Variants in GRID2IP observed in about 807,000 individuals in gnomAD.
GRID2IP encodes the protein delphilin.
GRID2IP carries 78 observed loss-of-function variants against 114.3 expected under a neutral mutation model. That is an observed-to-expected ratio of 0.68 (90% CI 0.57 to 0.82). GRID2IP has a LOEUF of 0.82. Among genes scored for constraint, GRID2IP ranks in the 40% least tolerant of loss-of-function variants. GRID2IP has a pLI of 0.00. For missense variants in GRID2IP, 1,727 were observed against 1,678.5 expected (o/e 1.03, Z -0.51); for synonymous variants, 809 against 724.0 (o/e 1.12, Z -1.89).
At chr7:6,539,133 C>CT (rs35413221) in intron 2 of GRID2IP, among the ~76,000 whole-genome samples, 68,552 of 144,280 alleles carry the variant, frequency 0.48, 17,260 homozygotes, top group African/African-American at 0.68. Context: ...AGACTGTGAC[C>CT]TTTTTTTTTT....
chr7:6,521,546 G>C lies in GRID2IP; in HGVS notation c.990-23C>G. ...TTCCTGCCAAGCAGAGATGGCCCAG[G>C]AGGGCCTGACTGGGGTGAGCCCTGT... On this transcript the variant is annotated intron_variant, in intron 5 of 21. Coordinates refer to ENST00000457091, the MANE Select transcript of GRID2IP (RefSeq NM_001145118.2). This position sits in a 1 kb window ranked among gnomAD's most constrained non-coding sequence, Gnocchi z 4.1. 1 of 1,518,226 alleles carries C rather than the reference G, an allele frequency of 6.6e-7. No individual in the cohort carries two copies. The highest frequency in any genetic ancestry group is 8.9e-7 in the Non-Finnish European group (1 of 1,125,098). 94.0% of individuals were successfully genotyped at this position (1,518,226 alleles called of 1,614,324 possible).
intron 2 of GRID2IP, among the ~76,000 whole-genome samples, chr7:6,529,998 A>G (rs1271781677): frequency 4.7e-4 from 67 of 141,552 alleles, no homozygotes; most frequent in South Asian, 4.6e-3. Context: ...TCGCTCTGTC[A>G]CACAGGCTGG....
intron 20 of GRID2IP, among the ~76,000 whole-genome samples, chr7:6,498,978 T>C (rs1786338967): frequency 6.6e-6 from 1 of 152,150 alleles, no homozygotes; most frequent in Non-Finnish European, 1.5e-5. Flanking sequence ...CGCTCCCTCC[T>C]TGCACCTCCA....
At chr7:6,550,905 A>C in intron 1 of GRID2IP, 103 bp downstream of exon 1, 2 of 1,168,732 alleles carry the variant, frequency 1.7e-6, no homozygotes, top group Non-Finnish European at 2.1e-6. Context: ...TGACCCCAGA[A>C]GTTTCCTTAC....
Position 6,536,695 on chromosome 7 carries a change from C to T in GRID2IP, c.584+3023G>A. Reference sequence around the variant, plus strand: ...TGGTGGGGAGGGGCGGGACGGGGGGCTGCCTGTCAATCAGCTCCCCAGGAA... The same window carrying T: ...TGGTGGGGAGGGGCGGGACGGGGGGTTGCCTGTCAATCAGCTCCCCAGGAA... On this transcript the variant is annotated intron_variant, in intron 2 of 21. Coordinates refer to ENST00000457091, the MANE Select transcript of GRID2IP (RefSeq NM_001145118.2). This position sits in a 1 kb window ranked among gnomAD's most constrained non-coding sequence, Gnocchi z 5.3. 4 of 665,250 alleles carry T rather than the reference C, an allele frequency of 6.0e-6. No homozygotes were observed. The highest frequency in any genetic ancestry group is 1.1e-5 in the Non-Finnish European group (4 of 361,402). 41.2% of individuals were successfully genotyped at this position (665,250 alleles called of 1,614,324 possible).
At chr7:6,518,901 C>G (rs910229395) in intron 7 of GRID2IP, among the ~76,000 whole-genome samples, 5 of 129,008 alleles carry the variant, frequency 3.9e-5, no homozygotes, top group Middle Eastern at 7.1e-3. Context: ...AACATGATAT[C>G]AAGCACAGTT....
chr7:6,515,385 T>G (rs1779274567), intron 7 of GRID2IP, among the ~76,000 whole-genome samples: 1 of 151,872 alleles, frequency 6.6e-6, no homozygotes, highest in Non-Finnish European at 1.5e-5. Flanking sequence ...TCGCTTAGAC[T>G]GGGAGGCGGA....
Position 6,534,954 on chromosome 7 carries a change from C to T in GRID2IP, c.584+4764G>A, listed in dbSNP as rs1201475024. Among the ~76,000 whole-genome samples, 6 of 152,180 alleles carry T rather than the reference C, an allele frequency of 3.9e-5. No individual in the cohort carries two copies. The highest frequency in any genetic ancestry group is 8.8e-5 in the Non-Finnish European group (6 of 68,032). On this transcript the variant is annotated intron_variant, in intron 2 of 21. Transcript: ENST00000457091. This position sits in a 1 kb window ranked among gnomAD's most constrained non-coding sequence, Gnocchi z 4.5. Reference sequence around the variant, plus strand: ...AGGCTGGAGTGCAATGGCACGATCTCGGCTCACTGCAATCTCCGCCTCCCA... The same window carrying T: ...AGGCTGGAGTGCAATGGCACGATCTTGGCTCACTGCAATCTCCGCCTCCCA...
chr7:6,538,880 A>C (rs1779770861), intron 2 of GRID2IP, among the ~76,000 whole-genome samples: 3 of 152,094 alleles, frequency 2.0e-5, no homozygotes, highest in Admixed American at 6.6e-5. Flanking sequence ...TCTGAAAAGA[A>C]AGGAAGATGA....
At chr7:6,510,112 G>A (rs751383895) in intron 11 of GRID2IP, among the ~76,000 whole-genome samples, 171 bp downstream of exon 11, 2 of 152,114 alleles carry the variant, frequency 1.3e-5, no homozygotes, top group Non-Finnish European at 2.9e-5. Context: ...TTACAGGCAC[G>A]ACCCACGGTA....
intron 18 of GRID2IP, 82 bp from the exon 19 acceptor site, chr7:6,502,200 G>A: frequency 3.0e-6 from 4 of 1,318,754 alleles, no homozygotes; most frequent in Non-Finnish European, 4.2e-6. Flanking sequence ...CTGGACTACT[G>A]TGGCATCAAT....
chr7:6,521,843 G>C lies in GRID2IP; in HGVS notation c.989+45C>G, dbSNP rs1447400030. The C allele has an allele frequency of 1.4e-5, 20 of 1,414,572 alleles. No homozygotes were observed. Among genetic ancestry groups the C allele is most frequent in the Non-Finnish European group, 2.0e-5 (20 of 1,022,972 alleles). 87.6% of individuals were successfully genotyped at this position (1,414,572 alleles called of 1,614,324 possible). A position where few individuals can be genotyped will look rare whatever the true frequency, so the allele number is the denominator to read the frequency against. On this transcript the variant is annotated intron_variant, in intron 5 of 21. Coordinates refer to ENST00000457091, the MANE Select transcript of GRID2IP (RefSeq NM_001145118.2). The surrounding 1 kb of genome is among the most constrained non-coding windows in gnomAD (Gnocchi z 4.1). ...AGAGGCAGGAGTCTTGCAGGGGGTG[G>C]GGGCAGCTCCTCACCAACCCCTGGT...
chr7:6,524,503 C>T (rs1779470990), intron 4 of GRID2IP, among the ~76,000 whole-genome samples: 1 of 152,144 alleles, frequency 6.6e-6, no homozygotes, highest in South Asian at 2.1e-4. Flanking sequence ...ACACACACCC[C>T]TGCCCCACTG....
rs780937460 is a variant in GRID2IP at position 6,497,840 on chromosome 7, C to T, written c.3570G>A (p.Ala1190=). The change falls in exon 22 of 22, where the codon GCG becomes GCA. Residue 1190 remains alanine (A), a synonymous_variant. Coordinates refer to ENST00000457091, the MANE Select transcript of GRID2IP (RefSeq NM_001145118.2). ...CCTCCCCGGCCTGCAGGTCACTCAG[C>T]GCTCGCTGGGGAGGGGGAACACAGA... The part of the protein sequence containing the change: ...FAEFMSKFER[A]LSDLQAGEGL... The T allele has an allele frequency of 4.9e-5, 76 of 1,549,746 alleles. No individual in the cohort carries two copies. In the Middle Eastern group the frequency reaches 1.0e-3, roughly 20 times the overall value.
chr7:6,502,232 C>CT (rs1373144339), intron 18 of GRID2IP, 114 bp from the exon 19 acceptor site: 1,242 of 976,030 alleles, frequency 1.3e-3, no homozygotes, highest in Non-Finnish European at 1.5e-3. Context: ...GGCGCCCCCA[C>CT]TTTTTTTTTA....
At position 6,526,364 on chromosome 7, in the gene GRID2IP, G is replaced by T; in HGVS notation, c.834-55C>A. ...GATGGAGAGGGGGCCCTGGGGCGCA[G>T]AGGTTGGAGATGTCCCGTGTCCCTC... is the stretch of plus-strand genomic sequence containing the variant. On this transcript the variant is annotated intron_variant, in intron 3 of 21. Transcript: ENST00000457091. The surrounding 1 kb of genome is among the most constrained non-coding windows in gnomAD (Gnocchi z 7.6). 6.6e-7 allele frequency: 1 copy of T among 1,521,438 alleles called. No individual in the cohort carries two copies. The highest frequency in any genetic ancestry group is 8.9e-7 in the Non-Finnish European group (1 of 1,121,642). 94.2% of individuals were successfully genotyped at this position (1,521,438 alleles called of 1,614,324 possible). A position where few individuals can be genotyped will look rare whatever the true frequency, so the allele number is the denominator to read the frequency against.
chr7:6,530,032 C>T (rs1469304544), intron 2 of GRID2IP, among the ~76,000 whole-genome samples: 3 of 151,256 alleles, frequency 2.0e-5, no homozygotes, highest in Non-Finnish European at 4.4e-5. Flanking sequence ...GATCTCCGCT[C>T]ACTGCAAGCT....
intron 2 of GRID2IP, among the ~76,000 whole-genome samples, chr7:6,538,352 C>T (rs746240869): frequency 5.3e-5 from 8 of 150,882 alleles, no homozygotes; most frequent in African/African-American, 1.9e-4. Context: ...GGTGACAGAG[C>T]GAGACCCTGT....
In GRID2IP at chr7:6,497,760, C is replaced by T. The variant is rs1301821846; in HGVS notation, c.*14G>A. ...CTCCCTGCTCAGGCCGCAGAGGACGCGGTGTGGCCACTGTCACCAGGCCAG... is the reference window on the plus strand; with the variant it reads ...CTCCCTGCTCAGGCCGCAGAGGACGTGGTGTGGCCACTGTCACCAGGCCAG... On this transcript the variant is annotated 3_prime_UTR_variant, in exon 22 of 22. Transcript: ENST00000457091. 17 of 1,544,314 alleles carry T rather than the reference C, an allele frequency of 1.1e-5. No homozygotes were observed. The highest frequency in any genetic ancestry group is 1.7e-4 in the Middle Eastern group (1 of 5,994).
Sources: allele counts gnomAD v4.1 joint callset (sites outside exome capture counted in the v4.1 genomes callset), GRCh38; gene constraint gnomAD v4.1.1; non-coding constraint Gnocchi (gnomAD v3.1); transcripts MANE v1.5; gene names NCBI Gene and HGNC (gene_info 2026-07-23, HGNC 2026-07-21).